Variants in RPF2 observed in about 807,000 individuals in gnomAD.
RPF2 encodes the protein ribosome production factor 2 homolog, also known as brix domain containing 1.
A neutral mutation model predicts 38.9 loss-of-function variants in RPF2; 21 were observed. The ratio of observed to expected loss-of-function variants is 0.54; its 90% CI spans 0.38 to 0.78. RPF2 has a LOEUF of 0.78. RPF2 is among the 30% of genes least tolerant of loss of function. The pLI is 0.00. For missense variants in RPF2, 314 were observed against 358.1 expected, an observed-to-expected ratio of 0.88 and a Z score of 0.99; for synonymous variants, 121 against 126.2, an observed-to-expected ratio of 0.96 and a Z score of 0.28.
At chr6:111,018,887 G>T (rs1442963062) in intron 8 of RPF2, among the ~76,000 whole-genome samples, 3 of 152,124 alleles carry the variant, frequency 2.0e-5, no homozygotes, top group African/African-American at 7.2e-5. Flanking sequence ...GTTATTTAGA[G>T]AACAAGAAAT....
At chr6:110,990,345 G>A (rs1771597188) in intron 3 of RPF2, among the ~76,000 whole-genome samples, 2 of 152,040 alleles carry the variant, frequency 1.3e-5, no homozygotes, top group Admixed American at 6.6e-5. Flanking sequence ...GTCTTTCATT[G>A]TCTTTGATGA....
At chr6:111,016,691 T>TTC (rs1342705420) in intron 8 of RPF2, among the ~76,000 whole-genome samples, 1 of 149,286 alleles carries the variant, frequency 6.7e-6, no homozygotes, top group African/African-American at 2.5e-5. Flanking sequence ...TTCTTTCTTT[T>TTC]TTTTTTTTTT....
intron 5 of RPF2, among the ~76,000 whole-genome samples, chr6:110,997,652 G>A (rs1222387525): frequency 6.6e-6 from 1 of 152,028 alleles, no homozygotes; most frequent in East Asian, 1.9e-4. Flanking sequence ...AGGCATGGAG[G>A]TAGCAGTGAG....
chr6:110,983,915 G>A (rs1771477203), intron 1 of RPF2, among the ~76,000 whole-genome samples: 1 of 152,004 alleles, frequency 6.6e-6, no homozygotes, highest in Admixed American at 6.6e-5. Flanking sequence ...TGTAGTCCCA[G>A]CTACTCGGGA....
At chr6:110,985,989 C>T (rs1771518991) in intron 2 of RPF2, among the ~76,000 whole-genome samples, 1 of 151,816 alleles carries the variant, frequency 6.6e-6, no homozygotes, top group African/African-American at 2.4e-5. Context: ...GTAGGTTCCC[C>T]CAGAGATAAC....
At chr6:110,982,535 C>CA in intron 1 of RPF2, 1 of 215,062 alleles carries the variant, frequency 4.6e-6, no homozygotes, top group Non-Finnish European at 9.4e-6. Flanking sequence ...TTAGCTTATT[C>CA]TGTAAAATAG....
chr6:110,988,075 G>A (rs968826612), intron 2 of RPF2, among the ~76,000 whole-genome samples: 11 of 152,138 alleles, frequency 7.2e-5, no homozygotes, highest in East Asian at 3.9e-4. Flanking sequence ...TTAGCTGGGC[G>A]TGGTGCATGT....
At chr6:111,005,845 T>C (rs1771898123) in intron 6 of RPF2, among the ~76,000 whole-genome samples, 1 of 152,146 alleles carries the variant, frequency 6.6e-6, no homozygotes, top group African/African-American at 2.4e-5. Context: ...AGACGGAGTC[T>C]CTGTCGCCCA....
intron 1 of RPF2, among the ~76,000 whole-genome samples, chr6:110,982,830 G>A (rs182759717): frequency 6.6e-6 from 1 of 152,178 alleles, no homozygotes; most frequent in Admixed American, 6.6e-5. Context: ...CACCTGCTAT[G>A]CCTCTAGCTG....
chr6:111,006,718 C>G (rs1282363220), intron 6 of RPF2, among the ~76,000 whole-genome samples: 1 of 152,154 alleles, frequency 6.6e-6, no homozygotes, highest in African/African-American at 2.4e-5. Flanking sequence ...AGCGATCCTC[C>G]TACCTCACGT....
intron 6 of RPF2, among the ~76,000 whole-genome samples, chr6:111,005,778 G>A (rs1771897033): frequency 6.6e-6 from 1 of 151,880 alleles, no homozygotes; most frequent in Non-Finnish European, 1.5e-5. Flanking sequence ...CCATAGATGT[G>A]CACCACCACA....
chr6:110,985,245 A>G (rs564897710), intron 2 of RPF2, 107 bp downstream of exon 2: 1 of 965,324 alleles, frequency 1.0e-6, no homozygotes, highest in South Asian at 1.9e-5. Flanking sequence ...GCCTTACCAT[A>G]AGAACTACTA....
chr6:110,985,149 A>G lies in RPF2; in HGVS notation c.156+11A>G. Reference sequence around the variant, plus strand: ...GTACTTAAAGATGTGGTAAGTATATATACTTAATCTTTAAAAGGTATTGAA... The same window carrying G: ...GTACTTAAAGATGTGGTAAGTATATGTACTTAATCTTTAAAAGGTATTGAA... On this transcript the variant is annotated intron_variant, in intron 2 of 9. Coordinates refer to ENST00000441448, the MANE Select transcript of RPF2 (RefSeq NM_032194.3). 5 of 1,598,466 alleles carry G rather than the reference A, an allele frequency of 3.1e-6. No individual in the cohort carries two copies. Among genetic ancestry groups the G allele is most frequent in the East Asian group, 2.2e-5 (1 of 44,562 alleles).
intron 8 of RPF2, among the ~76,000 whole-genome samples, chr6:111,022,309 CAAGA>C (rs1020371024): frequency 2.6e-5 from 4 of 152,180 alleles, no homozygotes; most frequent in Admixed American, 2.6e-4. Flanking sequence ...CACTCTTCCT[CAAGA>C]AATAGACAAA....
chr6:110,999,604 G>GA, intron 5 of RPF2, 107 bp from the exon 6 acceptor site: 1 of 685,052 alleles, frequency 1.5e-6, no homozygotes, highest in Non-Finnish European at 2.7e-6. Flanking sequence ...GGTATAGGGA[G>GA]AAAAAAGAGG....
At chr6:111,010,670 C>A (rs1771996855) in intron 7 of RPF2, among the ~76,000 whole-genome samples, 1 of 152,158 alleles carries the variant, frequency 6.6e-6, no homozygotes, top group South Asian at 2.1e-4. Context: ...CTTCTTGTTA[C>A]CCTTGTTTTA....
intron 8 of RPF2, among the ~76,000 whole-genome samples, chr6:111,022,225 C>G (rs71562269): frequency 0.043 from 6,586 of 152,214 alleles, 200 homozygotes; most frequent in South Asian, 0.08. Context: ...TTAATGAAAA[C>G]AGACTTTCAG....
chr6:110,990,936 T>TA (rs1031312793), intron 3 of RPF2, among the ~76,000 whole-genome samples: 1 of 152,164 alleles, frequency 6.6e-6, no homozygotes, highest in African/African-American at 2.4e-5. Flanking sequence ...AGCACTTCCT[T>TA]ACTTTCTAAC....
At chr6:110,993,860 T>TA (rs1771662265) in intron 4 of RPF2, among the ~76,000 whole-genome samples, 1 of 152,242 alleles carries the variant, frequency 6.6e-6, no homozygotes, top group Non-Finnish European at 1.5e-5. Flanking sequence ...ACATTTTTTT[T>TA]ACTACAATCT....
Sources: gnomAD v4.1 joint callset for allele counts (sites outside exome capture counted in the v4.1 genomes callset) on GRCh38, gnomAD v4.1.1 for gene constraint, MANE v1.5 for transcripts, NCBI Gene and HGNC (gene_info 2026-07-23, HGNC 2026-07-21) for gene names.